Variants in FBN1 observed in about 807,000 individuals in gnomAD.
FBN1 encodes the protein fibrillin 1, also known as fibrillin-1.
In FBN1, 29 loss-of-function variants were observed where a neutral mutation model predicts 365.1. The ratio of observed to expected loss-of-function variants is 0.08; its 90% CI spans 0.06 to 0.11. The LOEUF is 0.11. Among genes scored for constraint, FBN1 ranks in the 10% least tolerant of loss-of-function variants. The pLI is 1.00. For missense variants in FBN1, 2,476 were observed against 3,703.2 expected, an observed-to-expected ratio of 0.67 and a Z score of 8.60; for synonymous variants, 1,210 against 1,270.5, an observed-to-expected ratio of 0.95 and a Z score of 1.01.
chr15:48,444,254 T>C (rs1051288306), intron 49 of FBN1, among the ~76,000 whole-genome samples: 1 of 152,212 alleles, frequency 6.6e-6, no homozygotes. Flanking sequence ...TCGGAAATAC[T>C]GGGAGTAGGA....
In FBN1 at chr15:48,437,085, A is replaced by G; in HGVS notation, c.6380-8T>C. 1 of 1,572,666 alleles carries G rather than the reference A, an allele frequency of 6.4e-7. No homozygotes were observed. Among genetic ancestry groups the G allele is most frequent in the South Asian group, 1.1e-5 (1 of 90,290 alleles). On this transcript the variant is annotated splice_region_variant and splice_polypyrimidine_tract_variant and intron_variant, in intron 52 of 65. Coordinates refer to ENST00000316623, the MANE Select transcript of FBN1 (RefSeq NM_000138.5). The stretch of plus-strand genomic sequence containing the variant: ...CTTTGCATTCGTCCATATCTTAAGC[A>G]AGAGAAAAAAAATAGTGAATAACAA...
intron 49 of FBN1, among the ~76,000 whole-genome samples, chr15:48,444,276 T>C (rs2043137460): frequency 6.6e-6 from 1 of 152,184 alleles, no homozygotes; most frequent in Non-Finnish European, 1.5e-5. Flanking sequence ...ACAGCATTCC[T>C]AACAAATGTG....
chr15:48,556,620 G>T (rs1161169341), intron 6 of FBN1, among the ~76,000 whole-genome samples: 1 of 152,162 alleles, frequency 6.6e-6, no homozygotes, highest in African/African-American at 2.4e-5. Flanking sequence ...AAAACGCCAG[G>T]TATTCTTACA....
At chr15:48,627,547 C>T (rs1889907378) in intron 2 of FBN1, among the ~76,000 whole-genome samples, 1 of 152,156 alleles carries the variant, frequency 6.6e-6, no homozygotes, top group African/African-American at 2.4e-5. Context: ...TAGCTCAAAG[C>T]AAAACCATCA....
rs764496589 is a variant in FBN1 at position 48,415,745 on chromosome 15, A to T, written c.7842T>A (p.Ala2614=). 4 of 1,614,054 alleles carry T rather than the reference A, an allele frequency of 2.5e-6. No homozygotes were observed. The highest frequency in any genetic ancestry group is 1.7e-5 in the Admixed American group (1 of 60,014). Residue 2614 remains alanine, a synonymous_variant, in exon 64 of 66, where the codon GCT becomes GCA. Coordinates refer to ENST00000316623, the MANE Select transcript of FBN1 (RefSeq NM_000138.5). ...QCVDENECLS[A]HICGGASCHN... ...GACAGGAGGCTCCTCCGCAGATGTG[A>T]GCGCTGAGGCATTCGTTTTCATCTG...
At chr15:48,508,246 C>G (rs2043727444) in intron 15 of FBN1, among the ~76,000 whole-genome samples, 1 of 152,138 alleles carries the variant, frequency 6.6e-6, no homozygotes, top group Non-Finnish European at 1.5e-5. Context: ...CCATTATTCC[C>G]TAACTGGAAA....
intron 6 of FBN1, among the ~76,000 whole-genome samples, chr15:48,569,562 C>A (rs923466212): frequency 6.6e-6 from 1 of 152,016 alleles, no homozygotes; most frequent in East Asian, 1.9e-4. Context: ...ATACTGGAAA[C>A]AATCAAAATG....
intron 55 of FBN1, 118 bp from the exon 56 acceptor site, chr15:48,430,920 C>G (rs1013687621): frequency 1.1e-6 from 1 of 924,072 alleles, no homozygotes; most frequent in Non-Finnish European, 1.7e-6. Context: ...TATTTCACTA[C>G]TGGCTGTATT....
At chr15:48,576,731 C>T (rs1292898121) in intron 6 of FBN1, among the ~76,000 whole-genome samples, 1 of 152,210 alleles carries the variant, frequency 6.6e-6, no homozygotes, top group Non-Finnish European at 1.5e-5. Flanking sequence ...AAGGATACAA[C>T]AAAGTGTGGG....
At chr15:48,620,252 G>A (rs1490856451) in intron 2 of FBN1, among the ~76,000 whole-genome samples, 1 of 152,164 alleles carries the variant, frequency 6.6e-6, no homozygotes, top group African/African-American at 2.4e-5. Flanking sequence ...ATGAAGAGAT[G>A]ACGATGTATG....
At chr15:48,467,336 A>G (rs1200518838) in intron 38 of FBN1, among the ~76,000 whole-genome samples, 1 of 152,146 alleles carries the variant, frequency 6.6e-6, no homozygotes, top group Non-Finnish European at 1.5e-5. Flanking sequence ...AAGAATCCAT[A>G]CCTATCCCAA....
intron 2 of FBN1, among the ~76,000 whole-genome samples, chr15:48,630,565 T>C (rs1166615347): frequency 6.6e-6 from 1 of 152,196 alleles, no homozygotes; most frequent in Non-Finnish European, 1.5e-5. Context: ...CCTATCTTTG[T>C]AAAATACCTG....
intron 2 of FBN1, among the ~76,000 whole-genome samples, chr15:48,617,208 T>C (rs1288586899): frequency 6.6e-6 from 1 of 152,070 alleles, no homozygotes; most frequent in African/African-American, 2.4e-5. Flanking sequence ...GGAGTCTCGC[T>C]CTGTCGCCCA....
chr15:48,498,906 A>T (rs2043631977), intron 18 of FBN1, 79 bp downstream of exon 18: 1 of 1,347,680 alleles, frequency 7.4e-7, no homozygotes, highest in Admixed American at 1.7e-5. Flanking sequence ...GTGTAAAGGG[A>T]TCAACTGGAA....
intron 6 of FBN1, among the ~76,000 whole-genome samples, chr15:48,586,602 TA>T (rs1312375683): frequency 1.3e-5 from 2 of 152,206 alleles, no homozygotes; most frequent in Admixed American, 6.5e-5. Flanking sequence ...AGCTCTCCTA[TA>T]TGATTCTTTA....
intron 58 of FBN1, among the ~76,000 whole-genome samples, chr15:48,426,413 G>A (rs1184090680): frequency 6.6e-6 from 1 of 152,026 alleles, no homozygotes; most frequent in Non-Finnish European, 1.5e-5. Flanking sequence ...CTGTCCTCTG[G>A]TGAGGGGGGA....
At chr15:48,428,580 C>T in intron 56 of FBN1, 109 bp from the exon 57 acceptor site, 1 of 1,230,698 alleles carries the variant, frequency 8.1e-7, no homozygotes. Flanking sequence ...CCTTCCCTCC[C>T]TTTGTTCCTT....
chr15:48,476,879 T>A (rs1333252042), intron 32 of FBN1: 2 of 150,652 alleles, frequency 1.3e-5, no homozygotes, highest in African/African-American at 4.9e-5. Context: ...TCCACCCGCC[T>A]TGGCCTCCCA....
intron 34 of FBN1, among the ~76,000 whole-genome samples, chr15:48,473,944 G>A (rs2043397910): frequency 1.3e-5 from 2 of 152,196 alleles, no homozygotes; most frequent in Admixed American, 1.3e-4. Context: ...GCTGACTTGA[G>A]GTGGAGAATG....
Sources: allele counts gnomAD v4.1 joint callset (sites outside exome capture counted in the v4.1 genomes callset), GRCh38; gene constraint gnomAD v4.1.1; transcripts MANE v1.5; gene names NCBI Gene and HGNC (gene_info 2026-07-23, HGNC 2026-07-21).